GALNT1: variants seen among roughly 807,000 people sequenced by gnomAD.
GALNT1 encodes polypeptide N-acetylgalactosaminyltransferase 1.
GALNT1 carries 17 observed loss-of-function variants against 65.7 expected under a neutral mutation model. The ratio of observed to expected loss-of-function variants is 0.26; its 90% confidence interval spans 0.18 to 0.39. The LOEUF is 0.39. Ranked by LOEUF, GALNT1 falls within the 10% of genes least tolerant of loss-of-function variation. GALNT1 has a pLI of 1.00. For missense variants in GALNT1, 460 were observed against 672.8 expected, an observed-to-expected ratio of 0.68 and a Z score of 3.50; for synonymous variants, 210 against 219.7, an observed-to-expected ratio of 0.96 and a Z score of 0.39.
rs2047878599 is a variant in GALNT1 at position 35,687,002 on chromosome 18, T to C, written c.690-14T>C. On this transcript the variant is annotated splice_polypyrimidine_tract_variant and intron_variant, in intron 5 of 11. Transcript: ENST00000269195. ...TGTTTTGAAAGATTTCTTAACTTGCTTTTATGACATCAGGAGAACAGTGGT... is the reference window on the plus strand; with the variant it reads ...TGTTTTGAAAGATTTCTTAACTTGCCTTTATGACATCAGGAGAACAGTGGT... 3 of 1,598,324 alleles carry C rather than the reference T, an allele frequency of 1.9e-6. 1 individual carries two copies. The highest frequency in any genetic ancestry group is 1.7e-6 in the Non-Finnish European group (2 of 1,172,978).
intron 1 of GALNT1, among the ~76,000 whole-genome samples, chr18:35,641,932 G>A (rs58488649): frequency 0.1 from 15,479 of 152,160 alleles, 1,008 homozygotes; most frequent in African/African-American, 0.19. Flanking sequence ...GTAATTTATA[G>A]TGTGAAAATT....
chr18:35,583,174 C>G (rs2046342928), intron 1 of GALNT1, among the ~76,000 whole-genome samples: 1 of 152,266 alleles, frequency 6.6e-6, no homozygotes, highest in Non-Finnish European at 1.5e-5. Context: ...CATGGTACTC[C>G]GAGTCCTGCT....
intron 1 of GALNT1, among the ~76,000 whole-genome samples, chr18:35,591,087 G>T (rs1384276353): frequency 6.6e-6 from 1 of 152,190 alleles, no homozygotes; most frequent in Admixed American, 6.5e-5. Flanking sequence ...AGAAAGTAGA[G>T]GGAAGAAAAG....
At chr18:35,655,656 C>T (rs534857095) in intron 2 of GALNT1, among the ~76,000 whole-genome samples, 1 of 151,970 alleles carries the variant, frequency 6.6e-6, no homozygotes, top group East Asian at 1.9e-4. Flanking sequence ...AATAATTACT[C>T]TTTAAACATG....
intron 1 of GALNT1, among the ~76,000 whole-genome samples, chr18:35,606,821 T>TTGTC (rs1409990975): frequency 7.4e-6 from 1 of 135,592 alleles, no homozygotes; most frequent in East Asian, 2.3e-4. Flanking sequence ...TGTTGATGTT[T>TTGTC]TGTGTGTGTG....
intron 1 of GALNT1, chr18:35,596,874 A>G (rs1411846639): frequency 1.3e-5 from 2 of 152,240 alleles, no homozygotes; most frequent in African/African-American, 2.4e-5. Context: ...GCCCCAGCAC[A>G]GTATGTTCAT....
chr18:35,661,247 C>T (rs1282323133), intron 2 of GALNT1, among the ~76,000 whole-genome samples: 1 of 152,000 alleles, frequency 6.6e-6, no homozygotes, highest in Non-Finnish European at 1.5e-5. Context: ...ACCTGTAATC[C>T]CAGCACTTTG....
intron 1 of GALNT1, among the ~76,000 whole-genome samples, chr18:35,608,395 T>A (rs2046677323): frequency 6.6e-6 from 1 of 152,226 alleles, no homozygotes; most frequent in Non-Finnish European, 1.5e-5. Context: ...GTAGTTTTAT[T>A]TCTCCCATGC....
At chr18:35,591,074 T>C (rs1319834516) in intron 1 of GALNT1, among the ~76,000 whole-genome samples, 2 of 151,908 alleles carry the variant, frequency 1.3e-5, no homozygotes, top group Non-Finnish European at 2.9e-5. Flanking sequence ...TGTGAGGGGA[T>C]TGAGAAAGTA....
At chr18:35,644,121 G>A (rs1244381926) in intron 1 of GALNT1, among the ~76,000 whole-genome samples, 2 of 152,144 alleles carry the variant, frequency 1.3e-5, no homozygotes, top group Non-Finnish European at 2.9e-5. Flanking sequence ...CAAATGATAA[G>A]CTTGTTCTTC....
chr18:35,667,016 G>A (rs2047559186), intron 3 of GALNT1, among the ~76,000 whole-genome samples: 1 of 152,010 alleles, frequency 6.6e-6, no homozygotes, highest in African/African-American at 2.4e-5. Context: ...AGATAATAAT[G>A]TAATGAACCC....
chr18:35,652,653 A>G (rs1028325166), intron 1 of GALNT1, among the ~76,000 whole-genome samples: 2 of 152,106 alleles, frequency 1.3e-5, no homozygotes, highest in African/African-American at 4.8e-5. Flanking sequence ...TCATCTGTCT[A>G]GCTAGTTACC....
At chr18:35,611,848 T>A (rs7242984) in intron 1 of GALNT1, among the ~76,000 whole-genome samples, 14,487 of 152,278 alleles carry the variant, frequency 0.095, 837 homozygotes, top group African/African-American at 0.17. Flanking sequence ...TGTGTAAAAC[T>A]GTTTCTAATC....
At chr18:35,650,539 A>C (rs2047296785) in intron 1 of GALNT1, among the ~76,000 whole-genome samples, 1 of 152,122 alleles carries the variant, frequency 6.6e-6, no homozygotes, top group South Asian at 2.1e-4. Flanking sequence ...GCTACGGGAG[A>C]CCGGGGCTTA....
At position 35,709,880 on chromosome 18, in the gene GALNT1, C is replaced by T. The variant is rs2048327682; in HGVS notation, c.*110C>T. 17 of 1,259,852 alleles carry T rather than the reference C, an allele frequency of 1.3e-5. No individual in the cohort carries two copies. The South Asian group carries it at 1.7e-4, about 13-fold the overall frequency. The allele number at this position is 1,259,852 out of a possible 1,614,324, so 78.0% of individuals were successfully genotyped here. ...AAAGGAAAAGTGCTTTCCTCCTCTG[C>T]AGGATGTAAGGTTTATCAGCCATTA... is the stretch of plus-strand genomic sequence containing the variant. On this transcript the variant is annotated 3_prime_UTR_variant, in exon 12 of 12. Coordinates refer to ENST00000269195, the MANE Select transcript of GALNT1 (RefSeq NM_020474.4).
chr18:35,619,414 A>G (rs1226787860), intron 1 of GALNT1, among the ~76,000 whole-genome samples: 1 of 152,230 alleles, frequency 6.6e-6, no homozygotes, highest in African/African-American at 2.4e-5. Flanking sequence ...AATGTAAAAA[A>G]AAGAATTTCA....
At chr18:35,625,609 A>G (rs2046907147) in intron 1 of GALNT1, among the ~76,000 whole-genome samples, 1 of 152,188 alleles carries the variant, frequency 6.6e-6, no homozygotes, top group African/African-American at 2.4e-5. Flanking sequence ...AAATAGAATG[A>G]TAATTGGAGA....
At chr18:35,706,238 C>T (rs554641546) in intron 11 of GALNT1, among the ~76,000 whole-genome samples, 1 of 152,186 alleles carries the variant, frequency 6.6e-6, no homozygotes, top group South Asian at 2.1e-4. Context: ...CGGCCGGGCG[C>T]GGTGGCTCAA....
At chr18:35,681,962 A>T (rs920531979) in intron 4 of GALNT1, among the ~76,000 whole-genome samples, 1 of 152,164 alleles carries the variant, frequency 6.6e-6, no homozygotes, top group Non-Finnish European at 1.5e-5. Context: ...TGAGCATTAA[A>T]TGAGATAAAA....
Sources: gnomAD v4.1 joint callset for allele counts (sites outside exome capture counted in the v4.1 genomes callset) on GRCh38, gnomAD v4.1.1 for gene constraint, MANE v1.5 for transcripts, NCBI Gene and HGNC (gene_info 2026-07-23, HGNC 2026-07-21) for gene names.